Variants in CA10 observed in about 807,000 individuals in gnomAD.
The protein encoded by CA10 is carbonic anhydrase 10 (inactive).
A neutral mutation model predicts 44.2 loss-of-function variants in CA10; 14 were observed. That is an observed-to-expected ratio of 0.32 (90% CI 0.21 to 0.50). The LOEUF (loss-of-function observed/expected upper bound fraction) is 0.50, where lower values mean the gene tolerates loss of function less well. Among genes scored for constraint, CA10 ranks in the 20% least tolerant of loss-of-function variants. The probability of loss-of-function intolerance (pLI) is 0.99; values close to 1 mark genes in which losing one functional copy is unlikely to be tolerated. For synonymous variants in CA10, 159 were observed against 141.6 expected (o/e 1.12, Z -0.87); for missense variants, 350 against 409.7 (o/e 0.85, Z 1.26).
intron 1 of CA10, among the ~76,000 whole-genome samples, chr17:52,142,301 G>A (rs1161829857): frequency 6.6e-6 from 1 of 152,072 alleles, no homozygotes; most frequent in Non-Finnish European, 1.5e-5. Context: ...TGAGCTTGTA[G>A]TACCATATCC....
chr17:52,011,074 T>C (rs935756065), intron 2 of CA10, among the ~76,000 whole-genome samples: 4 of 151,960 alleles, frequency 2.6e-5, no homozygotes, highest in African/African-American at 7.2e-5. Flanking sequence ...ACTTAGCCCT[T>C]CTGAGCCTTA....
At chr17:52,020,968 C>A (rs1207472703) in intron 2 of CA10, among the ~76,000 whole-genome samples, 1 of 151,970 alleles carries the variant, frequency 6.6e-6, no homozygotes, top group Non-Finnish European at 1.5e-5. Context: ...ATTGTTGCTG[C>A]AAAAGACAGG....
intron 3 of CA10, among the ~76,000 whole-genome samples, chr17:51,778,963 T>G (rs1917997): frequency 0.025 from 3,799 of 152,188 alleles, 159 homozygotes; most frequent in African/African-American, 0.086. Flanking sequence ...GGTGCTGACC[T>G]CCATCAGCCA....
chr17:51,869,056 C>A (rs911875254), intron 3 of CA10, among the ~76,000 whole-genome samples: 2 of 151,862 alleles, frequency 1.3e-5, no homozygotes, highest in Admixed American at 1.3e-4. Flanking sequence ...CAAAATATAT[C>A]AGCATAGAAA....
At chr17:51,655,331 C>T (rs1019552412) in intron 4 of CA10, among the ~76,000 whole-genome samples, 6 of 152,120 alleles carry the variant, frequency 3.9e-5, no homozygotes, top group African/African-American at 1.4e-4. Context: ...TTAGCATTTT[C>T]CACAGGCTGA....
intron 2 of CA10, among the ~76,000 whole-genome samples, chr17:51,935,237 ATTG>A (rs1262331076): frequency 6.6e-6 from 1 of 152,116 alleles, no homozygotes; most frequent in Non-Finnish European, 1.5e-5. Flanking sequence ...TAAGAGAAAT[ATTG>A]TTGAATTTTT....
intron 4 of CA10, among the ~76,000 whole-genome samples, chr17:51,740,903 G>T (rs1412961144): frequency 6.6e-6 from 1 of 152,060 alleles, no homozygotes; most frequent in Non-Finnish European, 1.5e-5. Flanking sequence ...CTCATTCTCT[G>T]ATCTCTCTTG....
chr17:51,774,753 T>C (rs1905750547), intron 3 of CA10, among the ~76,000 whole-genome samples: 1 of 152,050 alleles, frequency 6.6e-6, no homozygotes, highest in Admixed American at 6.6e-5. Context: ...CCACTCAAGG[T>C]CATCTTCTAG....
At chr17:52,050,893 G>A (rs1987045697) in intron 2 of CA10, among the ~76,000 whole-genome samples, 1 of 151,960 alleles carries the variant, frequency 6.6e-6, no homozygotes, top group African/African-American at 2.4e-5. Flanking sequence ...AAGCTGAGAG[G>A]ACAAGACCAT....
intron 3 of CA10, among the ~76,000 whole-genome samples, chr17:51,907,624 T>C (rs1981613556): frequency 2.0e-5 from 3 of 152,130 alleles, no homozygotes; most frequent in Admixed American, 1.3e-4. Flanking sequence ...TAAGAGCCCC[T>C]GTGCAAGATC....
At chr17:51,766,819 A>T (rs1378618171) in intron 3 of CA10, among the ~76,000 whole-genome samples, 1 of 152,200 alleles carries the variant, frequency 6.6e-6, no homozygotes, top group Non-Finnish European at 1.5e-5. Flanking sequence ...TCCATGAATC[A>T]GAGAGCTCAA....
chr17:52,001,857 C>T (rs1414624175), intron 2 of CA10, among the ~76,000 whole-genome samples: 2 of 151,928 alleles, frequency 1.3e-5, no homozygotes, highest in Non-Finnish European at 2.9e-5. Context: ...ATGAAAAATA[C>T]ACATAATAAT....
rs138202248 is a variant in CA10 at position 51,635,882 on chromosome 17, G to A, written c.762C>T (p.Asn254=). The A allele has an allele frequency of 1.0e-5, 16 of 1,607,050 alleles. No individual in the cohort carries two copies. The highest frequency in any genetic ancestry group is 1.3e-5 in the Non-Finnish European group (15 of 1,175,888). The change falls in exon 7 of 9, where the codon AAC becomes AAT. Residue 254 remains asparagine (N), a synonymous_variant. Transcript: ENST00000451037. ...CYETASWIIM[N]KPVYITRMQM... Reference sequence around the variant, plus strand: ...GCATCCTGGTTATATAGACAGGTTTGTTCATTATGATCCAACTTGCTGTCT... The same window carrying A: ...GCATCCTGGTTATATAGACAGGTTTATTCATTATGATCCAACTTGCTGTCT...
intron 3 of CA10, among the ~76,000 whole-genome samples, chr17:51,777,104 G>C (rs1406442080): frequency 6.6e-6 from 1 of 152,204 alleles, no homozygotes; most frequent in Non-Finnish European, 1.5e-5. Context: ...AAAAAAGAGA[G>C]AGAAATCAAA....
Position 51,653,634 on chromosome 17 carries a change from GACTT to G in CA10, c.561+3_561+6del. The G allele has an allele frequency of 6.9e-7, 1 of 1,451,028 alleles. No individual in the cohort carries two copies. Among genetic ancestry groups the G allele is most frequent in the Non-Finnish European group, 9.7e-7 (1 of 1,031,258 alleles). The allele number at this position is 1,451,028 out of a possible 1,614,324, so 89.9% of individuals were successfully genotyped here. ...GTGAGAAGAATGAAGGAATGCAAGA[GACTT>G]ACTTTTATAAATATAGAAACTACCA... On this transcript the variant is annotated splice_donor_5th_base_variant and intron_variant, in intron 5 of 8. Transcript: ENST00000451037.
At chr17:51,996,929 C>T (rs547931253) in intron 2 of CA10, among the ~76,000 whole-genome samples, 1 of 152,118 alleles carries the variant, frequency 6.6e-6, no homozygotes, top group Admixed American at 6.6e-5. Context: ...ACAACAATTT[C>T]CCCCAGATCT....
At chr17:51,727,330 A>G (rs1173437647) in intron 4 of CA10, among the ~76,000 whole-genome samples, 1 of 151,852 alleles carries the variant, frequency 6.6e-6, no homozygotes, top group Non-Finnish European at 1.5e-5. Flanking sequence ...AGTAATAATC[A>G]CCTGTGGAGT....
chr17:51,965,340 G>A (rs895029495), intron 2 of CA10, among the ~76,000 whole-genome samples: 1 of 151,754 alleles, frequency 6.6e-6, no homozygotes, highest in African/African-American at 2.4e-5. Context: ...ACTATTTCAA[G>A]AAATCAAGGA....
intron 4 of CA10, among the ~76,000 whole-genome samples, chr17:51,654,741 A>C (rs1913724520): frequency 6.6e-6 from 1 of 152,084 alleles, no homozygotes; most frequent in South Asian, 2.1e-4. Flanking sequence ...TATTTTTAGT[A>C]GAGACGGGGT....
Sources: gnomAD v4.1 joint callset for allele counts (sites outside exome capture counted in the v4.1 genomes callset) on GRCh38, gnomAD v4.1.1 for gene constraint, MANE v1.5 for transcripts, NCBI Gene and HGNC (gene_info 2026-07-23, HGNC 2026-07-21) for gene names.